FBXO34: variants seen among roughly 807,000 people sequenced by gnomAD.
FBXO34 encodes the protein F-box only protein 34.
Under a neutral mutation model 24.5 loss-of-function variants are expected in FBXO34, and 12 were observed. The ratio of observed to expected loss-of-function variants is 0.49; its 90% CI spans 0.31 to 0.79. The LOEUF (loss-of-function observed/expected upper bound fraction) is 0.79. FBXO34 is among the 30% of genes least tolerant of loss of function. The pLI, the probability that FBXO34 is intolerant of heterozygous loss-of-function variation, is 0.04. For synonymous variants in FBXO34, 320 were observed against 311.9 expected (o/e 1.03, Z -0.27); for missense variants, 823 against 857.7 (o/e 0.96, Z 0.51).
chr14:55,439,614 A>ACCC, the FBXO34 span, among the ~76,000 whole-genome samples: 85 of 84,600 alleles, frequency 1.0e-3, 6 homozygotes, highest in African/African-American at 2.9e-3. Context: ...AGAAAAGCAA[A>ACCC]CCCCCCCCCG....
rs57144723 is a variant in FBXO34 at position 55,312,728 on chromosome 14, G to A, written c.-10-37653G>A. The stretch of plus-strand genomic sequence containing the variant: ...TCTGAAGTAATGGCCTGAGCTGTAC[G>A]TTGCTCCATTTTCACCCCAGTGGGG... On this transcript the variant is annotated intron_variant, in intron 1 of 1. Coordinates refer to ENST00000313833, the MANE Select transcript of FBXO34 (RefSeq NM_017943.4). Among the ~76,000 whole-genome samples the A allele has an allele frequency of 4.6e-3, 699 of 152,320 alleles. 6 individuals are homozygous for A. The highest frequency in any genetic ancestry group is 0.016 in the African/African-American group (663 of 41,568).
At chr14:55,306,104 A>C (rs1237659819) in intron 1 of FBXO34, among the ~76,000 whole-genome samples, 10 of 152,256 alleles carry the variant, frequency 6.6e-5, no homozygotes, top group Admixed American at 6.5e-4. Flanking sequence ...CATTAAAAAC[A>C]ATTTGAGTTT....
chr14:55,424,300 C>G, the FBXO34 span: 1 of 1,266,262 alleles, frequency 7.9e-7, no homozygotes, highest in South Asian at 1.2e-5. Context: ...CTATTCAGCT[C>G]CTTTCCCATA....
intron 2 of FBXO34, chr14:55,367,041 TAAC>T (rs1339349999): frequency 5.9e-5 from 9 of 152,662 alleles, no homozygotes; most frequent in African/African-American, 1.4e-4. Flanking sequence ...TAGTTGATAT[TAAC>T]AACAACAAAC....
the FBXO34 span, among the ~76,000 whole-genome samples, chr14:55,376,693 T>C: frequency 1.3e-5 from 2 of 152,180 alleles, no homozygotes; most frequent in Non-Finnish European, 2.9e-5. Context: ...TTTCAGTAGA[T>C]GGATGATGCG....
At chr14:55,362,793 T>C (rs560012687), downstream of FBXO34, among the ~76,000 whole-genome samples, 1 of 151,836 alleles carries the variant, frequency 6.6e-6, no homozygotes, top group South Asian at 2.1e-4. Flanking sequence ...CATTCCCAAA[T>C]TGAGAGCAAC....
intron 1 of FBXO34, among the ~76,000 whole-genome samples, chr14:55,288,552 T>A (rs1444261764): frequency 6.6e-6 from 1 of 152,240 alleles, no homozygotes; most frequent in Non-Finnish European, 1.5e-5. Context: ...TTGATACATT[T>A]CTCAGAAATC....
chr14:55,382,135 C>T, the FBXO34 span: 2 of 1,613,986 alleles, frequency 1.2e-6, no homozygotes, highest in African/African-American at 1.3e-5. Context: ...AGCAAGCTTG[C>T]TCACAGTGCT....
chr14:55,394,504 A>G, the FBXO34 span, among the ~76,000 whole-genome samples: 3 of 152,206 alleles, frequency 2.0e-5, no homozygotes, highest in Admixed American at 6.5e-5. Context: ...AAGTACCACT[A>G]TCTTCACACA....
At chr14:55,323,772 T>C (rs1427663750) in intron 1 of FBXO34, among the ~76,000 whole-genome samples, 9 of 152,210 alleles carry the variant, frequency 5.9e-5, no homozygotes. Flanking sequence ...TCCCATTTAC[T>C]TGATGTCTTC....
chr14:55,361,646 T>C (rs1382790456), intron 3 of FBXO34: 1 of 152,248 alleles, frequency 6.6e-6, no homozygotes, highest in East Asian at 1.9e-4. Flanking sequence ...ATTGGAAATC[T>C]GTTGTTTAGT....
the FBXO34 span, chr14:55,440,432 G>C: frequency 3.7e-6 from 6 of 1,612,978 alleles, no homozygotes; most frequent in Admixed American, 1.7e-5. Flanking sequence ...GCTCCAGGTA[G>C]GTCTCCTCCT....
intron 1 of FBXO34, among the ~76,000 whole-genome samples, chr14:55,310,946 A>G (rs1414053535): frequency 7.0e-6 from 1 of 141,992 alleles, no homozygotes; most frequent in Non-Finnish European, 1.5e-5. Context: ...CACTGCAAGG[A>G]AAAAAAAAAA....
At chr14:55,384,083 C>T in the FBXO34 span, among the ~76,000 whole-genome samples, 5 of 152,158 alleles carry the variant, frequency 3.3e-5, no homozygotes, top group African/African-American at 4.8e-5. Context: ...TGTACTGCTG[C>T]GTCTCCCTTC....
the FBXO34 span, among the ~76,000 whole-genome samples, chr14:55,427,606 C>A: frequency 6.6e-6 from 1 of 152,048 alleles, no homozygotes; most frequent in Admixed American, 6.6e-5. Context: ...AGGCCAAGTG[C>A]CCTAGCCCAG....
At chr14:55,409,725 T>C in the FBXO34 span, among the ~76,000 whole-genome samples, 3 of 152,032 alleles carry the variant, frequency 2.0e-5, no homozygotes, top group Non-Finnish European at 4.4e-5. Flanking sequence ...GAGAAAATAA[T>C]AGGAGATTAA....
At chr14:55,306,937 A>G (rs1368417711) in intron 1 of FBXO34, among the ~76,000 whole-genome samples, 1 of 152,242 alleles carries the variant, frequency 6.6e-6, no homozygotes, top group Non-Finnish European at 1.5e-5. Context: ...TTATTGTGTA[A>G]AGGAGGAAGG....
At chr14:55,311,291 T>TGG (rs1184479606) in intron 1 of FBXO34, among the ~76,000 whole-genome samples, 5 of 152,190 alleles carry the variant, frequency 3.3e-5, no homozygotes, top group Admixed American at 3.3e-4. Context: ...TGGGAGAAAC[T>TGG]GCCCCATGAT....
chr14:55,442,680 A>C, the FBXO34 span, among the ~76,000 whole-genome samples: 2 of 151,982 alleles, frequency 1.3e-5, no homozygotes, highest in Admixed American at 6.6e-5. Flanking sequence ...ATTGCTTACG[A>C]TGGTATTTAA....
Sources: gnomAD v4.1 joint callset for allele counts (sites outside exome capture counted in the v4.1 genomes callset) on GRCh38, gnomAD v4.1.1 for gene constraint, MANE v1.5 for transcripts, NCBI Gene and HGNC (gene_info 2026-07-23, HGNC 2026-07-21) for gene names.